CUX1: variants seen among roughly 807,000 people sequenced by gnomAD.
CUX1 encodes protein CASP.
CUX1 carries 31 observed loss-of-function variants against 158.8 expected under a neutral mutation model. The ratio of observed to expected loss-of-function variants is 0.20; its 90% CI spans 0.15 to 0.26. The LOEUF (loss-of-function observed/expected upper bound fraction) is 0.26, where lower values mean the gene tolerates loss of function less well. Among genes scored for constraint, CUX1 ranks in the 10% least tolerant of loss-of-function variants. CUX1 has a pLI of 1.00. For missense variants in CUX1, 1,589 were observed against 2,014.6 expected (o/e 0.79, Z 4.04); for synonymous variants, 879 against 862.1 (o/e 1.02, Z -0.34).
chr7:102,164,680 T>TC (rs1475446652), intron 9 of CUX1, among the ~76,000 whole-genome samples: 1 of 152,194 alleles, frequency 6.6e-6, no homozygotes, highest in Non-Finnish European at 1.5e-5. Flanking sequence ...TGGTAGCTGT[T>TC]CCCGACCTCC....
chr7:102,185,215 T>C (rs1385707024), intron 11 of CUX1, among the ~76,000 whole-genome samples: 2 of 152,210 alleles, frequency 1.3e-5, no homozygotes, highest in Non-Finnish European at 2.9e-5. Flanking sequence ...GTAGTAATTG[T>C]AGTAACAAGG....
chr7:102,151,812 A>G (rs1038294250), intron 8 of CUX1, among the ~76,000 whole-genome samples: 3 of 151,640 alleles, frequency 2.0e-5, no homozygotes, highest in Non-Finnish European at 2.9e-5. Flanking sequence ...CTGGTCTGCA[A>G]ACACTGATGG....
chr7:102,157,508 G>A (rs542666029), intron 8 of CUX1, among the ~76,000 whole-genome samples: 9 of 152,268 alleles, frequency 5.9e-5, no homozygotes, highest in South Asian at 2.1e-4. Context: ...GGCCGGGCGC[G>A]GTGGCTTATG....
chr7:102,082,184 C>T (rs868913401), intron 4 of CUX1, among the ~76,000 whole-genome samples: 1 of 146,964 alleles, frequency 6.8e-6, no homozygotes, highest in Non-Finnish European at 1.5e-5. Context: ...GACGGGTCTA[C>T]GTCAGTGGTC....
chr7:102,239,765 A>C (rs1799989534), intron 23 of CUX1, among the ~76,000 whole-genome samples, 181 bp downstream of exon 23: 1 of 131,068 alleles, frequency 7.6e-6, no homozygotes. Flanking sequence ...TTTTCTTTTG[A>C]GATGGAGTTT....
At chr7:102,215,227 A>G (rs1452646614) in intron 20 of CUX1, among the ~76,000 whole-genome samples, 1 of 112,338 alleles carries the variant, frequency 8.9e-6, no homozygotes, top group Non-Finnish European at 1.7e-5. Flanking sequence ...TGGTTACTCC[A>G]ACTTTTTTTT....
At chr7:101,969,359 C>CAAAAAAAAAAAAAAAAAAAAAAAAGAA (rs1811650982) in intron 2 of CUX1, among the ~76,000 whole-genome samples, 1 of 56,112 alleles carries the variant, frequency 1.8e-5, no homozygotes, top group African/African-American at 7.5e-5. Context: ...CAAAAAACAG[C>CAAAAAAAAAAAAAAAAAAAAAAAAGAA]AAAAAAAAAA....
intron 2 of CUX1, among the ~76,000 whole-genome samples, chr7:102,006,780 G>A (rs1034320932): frequency 2.6e-5 from 4 of 152,204 alleles, no homozygotes; most frequent in Admixed American, 6.5e-5. Context: ...AGTTTGTGAC[G>A]GGCAGATGTG....
rs117604675 is a variant in CUX1 at position 102,274,097 on chromosome 7, G to A, written c.1384-147G>A. The A allele has an allele frequency of 3.0e-3, 2,198 of 729,040 alleles. 39 individuals carry two copies. In the Admixed American group the frequency reaches 0.032, roughly 11 times the overall value. 45.2% of individuals were successfully genotyped at this position (729,040 alleles called of 1,614,324 possible). On this transcript the variant is annotated intron_variant, in intron 15 of 22. Coordinates refer to the CUX1 transcript ENST00000292538. ...TAGCTCATGTCACGTGTCCAGGTCC[G>A]GGCCCTCCTGCAGCCAGCCTGCACC... is the stretch of plus-strand genomic sequence containing the variant.
chr7:102,153,997 G>A (rs1835972120), intron 8 of CUX1: 1 of 152,398 alleles, frequency 6.6e-6, no homozygotes, highest in Non-Finnish European at 1.5e-5. Flanking sequence ...TAACTTAGGA[G>A]CAAAGAAGAA....
At chr7:102,161,973 A>G (rs1790473739) in intron 9 of CUX1, among the ~76,000 whole-genome samples, 1 of 152,152 alleles carries the variant, frequency 6.6e-6, no homozygotes, top group Non-Finnish European at 1.5e-5. Context: ...GCATTCAGAG[A>G]TGACTCCATG....
At chr7:102,223,831 T>C (rs576022675) in intron 20 of CUX1, among the ~76,000 whole-genome samples, 1 of 152,156 alleles carries the variant, frequency 6.6e-6, no homozygotes, top group South Asian at 2.1e-4. Context: ...TACCTGGGCT[T>C]GGTGGCACGA....
chr7:102,099,754 G>C (rs1253660725), intron 5 of CUX1, among the ~76,000 whole-genome samples: 1 of 151,816 alleles, frequency 6.6e-6, no homozygotes, highest in Non-Finnish European at 1.5e-5. Flanking sequence ...TTATTTTTTT[G>C]AGTTTGCTTT....
intron 2 of CUX1, chr7:101,960,235 T>C (rs372916919): frequency 4.6e-4 from 70 of 152,326 alleles, no homozygotes; most frequent in African/African-American, 1.6e-3. Flanking sequence ...GTTTCTCTAA[T>C]GAGATTCACG....
Position 101,970,742 on chromosome 7 carries a change from G to T in CUX1, c.141+54517G>T, listed in dbSNP as rs1476603787. Among the ~76,000 whole-genome samples, 5 of 152,010 alleles carry T rather than the reference G, an allele frequency of 3.3e-5. No homozygotes were observed. In the South Asian group the frequency reaches 1.0e-3, roughly 32 times the overall value. ...GGCTGATTTTTGTCTTTTTAGTAGA[G>T]ACAGGGTTTTACCATTTGGGGCAGG... On this transcript the variant is annotated intron_variant, in intron 2 of 23. Coordinates refer to ENST00000292535, the MANE Select transcript of CUX1 (RefSeq NM_181552.4).
chr7:102,248,773 C>T lies in CUX1; in HGVS notation c.4249C>T (p.Pro1417Ser). The T allele has an allele frequency of 1.9e-6, 2 of 1,042,818 alleles. No homozygotes were observed. The highest frequency in any genetic ancestry group is 4.1e-5 in the South Asian group (1 of 24,502). The allele number at this position is 1,042,818 out of a possible 1,614,324, so 64.6% of individuals were successfully genotyped here. A position where few individuals can be genotyped will look rare whatever the true frequency, so the allele number is the denominator to read the frequency against. ...SATATAAPAA[P>S]EDAATSAAAA... ...GACCGCCACCGCCGCGCCCGCGGCC[C>T]CCGAGGACGCCGCTACCTCAGCCGC... The change falls in exon 24 of 24, where the codon CCC (proline) becomes TCC (serine). Residue 1417 changes from proline (P) to serine (S), a missense_variant. Physicochemically the swap from Pro to Ser is moderately conservative, Grantham distance 74. Transcript: ENST00000292535. The surrounding 1 kb of genome is among the most constrained non-coding windows in gnomAD (Gnocchi z 5.8).
chr7:102,181,884 A>G (rs1416663347), intron 11 of CUX1, among the ~76,000 whole-genome samples: 1 of 152,218 alleles, frequency 6.6e-6, no homozygotes, highest in Non-Finnish European at 1.5e-5. Flanking sequence ...AATATAACCT[A>G]AAGGAATACA....
chr7:102,120,919 T>A (rs201508), intron 8 of CUX1, among the ~76,000 whole-genome samples: 1 of 151,874 alleles, frequency 6.6e-6, no homozygotes, highest in African/African-American at 2.4e-5. Context: ...ACAAAAATTA[T>A]CTGGGCATGG....
intron 20 of CUX1, among the ~76,000 whole-genome samples, chr7:102,206,153 C>T (rs1795928228): frequency 6.6e-6 from 1 of 152,200 alleles, no homozygotes; most frequent in Non-Finnish European, 1.5e-5. Context: ...GCTGCTTCTA[C>T]AAGAGACCAA....
Sources: gnomAD v4.1 joint callset for allele counts (sites outside exome capture counted in the v4.1 genomes callset) on GRCh38, gnomAD v4.1.1 for gene constraint, Gnocchi (gnomAD v3.1) non-coding constraint, MANE v1.5 for transcripts, NCBI Gene and HGNC (gene_info 2026-07-23, HGNC 2026-07-21) for gene names.